The following GRM6 variants were observed in gnomAD, a reference collection of about 807,000 sequenced individuals.
GRM6 encodes glutamate metabotropic receptor 6, also known as metabotropic glutamate receptor 6.
Under a neutral mutation model 78.4 loss-of-function variants are expected in GRM6, and 73 were observed. The observed-to-expected ratio is 0.93, with a 90% CI of 0.77 to 1.13. The LOEUF (loss-of-function observed/expected upper bound fraction) is 1.13, where lower values mean the gene tolerates loss of function less well. GRM6 is among the 50% of genes most tolerant of loss of function. The probability of loss-of-function intolerance (pLI) is 0.00; values close to 1 mark genes in which losing one functional copy is unlikely to be tolerated. For missense variants in GRM6, 1,251 were observed against 1,256.4 expected (o/e 1.00, Z 0.07); for synonymous variants, 580 against 555.0 (o/e 1.05, Z -0.63).
At chr5:178,990,541 G>C (rs112569815) in intron 5 of GRM6, 51 bp downstream of exon 5, 27 of 1,447,930 alleles carry the variant, frequency 1.9e-5, no homozygotes, top group Middle Eastern at 1.7e-4. Flanking sequence ...TCCCCAAGAG[G>C]GGGTGCTGGG....
chr5:178,982,665 C>G (rs1760419910), intron 10 of GRM6: 1 of 384,328 alleles, frequency 2.6e-6, no homozygotes, highest in Non-Finnish European at 4.5e-6. Context: ...CAGAGTGAGG[C>G]AATATCTCTC....
intron 2 of GRM6, among the ~76,000 whole-genome samples, chr5:178,993,385 A>C (rs1760715633): frequency 6.6e-6 from 1 of 152,008 alleles, no homozygotes; most frequent in African/African-American, 2.4e-5. Flanking sequence ...GTGGGTGAAA[A>C]ACCCCTGGGC....
chr5:178,985,498 T>C (rs374103551), intron 9 of GRM6: 6 of 342,902 alleles, frequency 1.7e-5, no homozygotes, highest in Non-Finnish European at 3.4e-5. Flanking sequence ...GGTCAGGAGA[T>C]CGAGACCATC....
At chr5:178,994,356 G>C in intron 2 of GRM6, 85 bp downstream of exon 2, 1 of 1,172,514 alleles carries the variant, frequency 8.5e-7, no homozygotes. Flanking sequence ...TCTTTCAGAA[G>C]AAGTAAAGGA....
chr5:178,985,624 A>AC (rs1561716826), intron 9 of GRM6: 2 of 366,656 alleles, frequency 5.5e-6, no homozygotes, highest in Admixed American at 3.6e-5. Flanking sequence ...AATGGCGTGA[A>AC]CCCGGAAGGC....
chr5:178,979,540 G>A lies in GRM6; in HGVS notation c.*2117C>T, dbSNP rs1410731840. 2.0e-5 allele frequency: 3 copies of A among 152,236 alleles called. No homozygotes were observed. Among genetic ancestry groups the A allele is most frequent in the Non-Finnish European group, 4.4e-5 (3 of 68,052 alleles). 9.4% of individuals were successfully genotyped at this position (152,236 alleles called of 1,614,324 possible). ...TCCTGCCAGAGAGGCCCACAGGCATGAACATGGCAGAGTGTGAAAGTCGTC... is the reference window on the plus strand; with the variant it reads ...TCCTGCCAGAGAGGCCCACAGGCATAAACATGGCAGAGTGTGAAAGTCGTC... On this transcript the variant is annotated 3_prime_UTR_variant, in exon 11 of 11. Transcript: ENST00000517717.
At chr5:178,985,570 G>C (rs533121328) in intron 9 of GRM6, 2 of 340,192 alleles carry the variant, frequency 5.9e-6, no homozygotes, top group Middle Eastern at 2.0e-3. Flanking sequence ...GGGCGTGGTG[G>C]CGGGCGCCTG....
chr5:178,994,410 T>C, intron 2 of GRM6, 31 bp downstream of exon 2: 3 of 1,479,952 alleles, frequency 2.0e-6, no homozygotes, highest in African/African-American at 1.4e-5. Context: ...AGAGGGACGC[T>C]GGACACCGAG....
Position 178,986,134 on chromosome 5 carries a change from A to AG in GRM6, c.2119dup (p.Leu707ProfsTer20), listed in dbSNP as rs2113326773. 1.9e-6 allele frequency: 3 copies of AG among 1,613,124 alleles called. No individual in the cohort carries two copies. In the Admixed American group the frequency reaches 5.0e-5, roughly 27 times the overall value. On this transcript the variant is annotated frameshift_variant, in exon 9 of 11. Coordinates refer to ENST00000517717, the MANE Select transcript of GRM6 (RefSeq NM_000843.4). LOFTEE classifies it high-confidence loss of function. The stretch of plus-strand genomic sequence containing the variant: ...CTTGGGAGCCTACGGACCCACCTGC[A>AG]GGGAGGTGAGGCTGAAGGTGATGAC...
chr5:178,988,785 T>G lies in GRM6; in HGVS notation c.1354+150A>C, dbSNP rs2113335160. 1 of 661,312 alleles carries G rather than the reference T, an allele frequency of 1.5e-6. No homozygotes were observed. The highest frequency in any genetic ancestry group is 1.8e-5 in the South Asian group (1 of 56,120). The allele number at this position is 661,312 out of a possible 1,614,324, so 41.0% of individuals were successfully genotyped here. A position where few individuals can be genotyped will look rare whatever the true frequency, so the allele number is the denominator to read the frequency against. ...GTTAAAAATTGGGGACCGGAACTTGTCTCATGTCTTTGGCACTCAGCCCCA... is the reference window on the plus strand; with the variant it reads ...GTTAAAAATTGGGGACCGGAACTTGGCTCATGTCTTTGGCACTCAGCCCCA... On this transcript the variant is annotated intron_variant, in intron 7 of 10. Transcript: ENST00000517717. This position sits in a 1 kb window ranked among gnomAD's most constrained non-coding sequence, Gnocchi z 6.0.
rs1760397355 is a variant in GRM6 at position 178,981,664 on chromosome 5, T to G, written c.2627A>C (p.His876Pro). ...CCGTTCCCACCTGCCCTGCTACTTG[T>G]GGGCCTCTGCATCCTCGCCCTTGGG... ...APPKGEDAEA[H>P]K is the part of the protein sequence containing the mutation. The change falls in exon 11 of 11, where the codon CAC (histidine) becomes CCC (proline). Residue 876 changes from histidine (H) to proline (P), a missense_variant. By Grantham distance (77) the His-to-Pro change is moderately conservative. Transcript: ENST00000517717. The surrounding 1 kb of genome is among the most constrained non-coding windows in gnomAD (Gnocchi z 5.1). 6.2e-7 allele frequency: 1 copy of G among 1,613,194 alleles called. No individual in the cohort carries two copies. The highest frequency in any genetic ancestry group is 8.5e-7 in the Non-Finnish European group (1 of 1,179,150).
At chr5:178,987,340 G>C (rs1401625037) in intron 7 of GRM6, 1 of 485,758 alleles carries the variant, frequency 2.1e-6, no homozygotes, top group Non-Finnish European at 4.1e-6. Flanking sequence ...AAAGCAGGGT[G>C]GCAAGAAATG....
At position 178,991,070 on chromosome 5, in the gene GRM6, G is replaced by A. The variant is rs545773600; in HGVS notation, c.858-324C>T. 2.0e-5 allele frequency among the ~76,000 whole-genome samples: 3 copies of A among 152,054 alleles called. No homozygotes were observed. Among genetic ancestry groups the A allele is most frequent in the South Asian group, 2.1e-4 (1 of 4,824 alleles). On this transcript the variant is annotated intron_variant, in intron 4 of 10. Coordinates refer to ENST00000517717, the MANE Select transcript of GRM6 (RefSeq NM_000843.4). The surrounding 1 kb of genome is among the most constrained non-coding windows in gnomAD (Gnocchi z 5.0). ...AGCCTCCTAGGCTGGAGATGAACTC[G>A]GGCCGGTGGGTCTCGGGCTGGGGTC... is the stretch of plus-strand genomic sequence containing the variant.
At chr5:178,982,640 A>G (rs1760419571) in intron 10 of GRM6, among the ~76,000 whole-genome samples, 1 of 149,442 alleles carries the variant, frequency 6.7e-6, no homozygotes, top group South Asian at 2.1e-4. Flanking sequence ...AAACAAGCTA[A>G]CTGTAACTGG....
intron 9 of GRM6, chr5:178,983,614 T>C (rs115533502): frequency 0.057 from 22,101 of 384,842 alleles, 868 homozygotes; most frequent in East Asian, 0.14. Context: ...GAGGCCCTAC[T>C]CGCATCGCCT....
rs137901745 is a variant in GRM6 at position 178,979,139 on chromosome 5, G to A, written c.*2518C>T. On this transcript the variant is annotated 3_prime_UTR_variant, in exon 11 of 11. Transcript: ENST00000517717. ...GGTCGTGCGCACCAGCTACTCAGGA[G>A]GCTGAAGCGGGAGGATTGCTTGAGC... 1,786 of 152,330 alleles carry A rather than the reference G, an allele frequency of 0.012. 13 individuals carry two copies. Among genetic ancestry groups the A allele is most frequent in the Non-Finnish European group, 0.019 (1,267 of 68,082 alleles). The allele number at this position is 152,330 out of a possible 1,614,324, so 9.4% of individuals were successfully genotyped here. A position where few individuals can be genotyped will look rare whatever the true frequency, so the allele number is the denominator to read the frequency against.
At chr5:178,982,531 C>A (rs1002245844) in intron 10 of GRM6, among the ~76,000 whole-genome samples, 1 of 119,228 alleles carries the variant, frequency 8.4e-6, no homozygotes, top group African/African-American at 3.2e-5. Flanking sequence ...GAGCCAAGAT[C>A]ACGCCACTGC....
chr5:178,990,393 G>A (rs1207500875), intron 5 of GRM6, among the ~76,000 whole-genome samples, 199 bp downstream of exon 5: 1 of 152,254 alleles, frequency 6.6e-6, no homozygotes, highest in Non-Finnish European at 1.5e-5. Context: ...AGTGAGTGGA[G>A]CGTGCTTTCC....
In GRM6 at chr5:178,982,001, A is replaced by C. The variant is rs1002779658; in HGVS notation, c.2437-147T>G. The C allele has an allele frequency of 1.5e-5, 11 of 739,268 alleles. No homozygotes were observed. In the African/African-American group the frequency reaches 1.9e-4, roughly 13 times the overall value. The allele number at this position is 739,268 out of a possible 1,614,324, so 45.8% of individuals were successfully genotyped here. On this transcript the variant is annotated intron_variant, in intron 10 of 10. Coordinates refer to ENST00000517717, the MANE Select transcript of GRM6 (RefSeq NM_000843.4). ...CTTAGACCAGGACAACAGTATGAGC[A>C]GGGGCCCCGCGCCTGAGGGGCTGGC...
Sources: gnomAD v4.1 joint callset for allele counts (sites outside exome capture counted in the v4.1 genomes callset) on GRCh38, gnomAD v4.1.1 for gene constraint, Gnocchi (gnomAD v3.1) non-coding constraint, MANE v1.5 for transcripts, NCBI Gene and HGNC (gene_info 2026-07-23, HGNC 2026-07-21) for gene names.